Variants in MET observed in about 807,000 individuals in gnomAD.
MET encodes the protein hepatocyte growth factor receptor.
A neutral mutation model predicts 133.1 loss-of-function variants in MET; 48 were observed. The observed-to-expected ratio is 0.36, with a 90% CI of 0.29 to 0.46. MET has a LOEUF of 0.46. Among genes scored for constraint, MET ranks in the 20% least tolerant of loss-of-function variants. The pLI is 1.00. For missense variants in MET, 1,442 were observed against 1,695.9 expected (o/e 0.85, Z 2.63); for synonymous variants, 628 against 616.5 (o/e 1.02, Z -0.28).
At position 116,775,011 on chromosome 7, in the gene MET, T is replaced by C. The variant is rs2117031096; in HGVS notation, c.3159T>C (p.Ile1053=). 1 of 1,614,238 alleles carries C rather than the reference T, an allele frequency of 6.2e-7. No homozygotes were observed. The highest frequency in any genetic ancestry group is 8.5e-7 in the Non-Finnish European group (1 of 1,180,030). The change falls in exon 15 of 21, where the codon ATT becomes ATC. Residue 1053 remains isoleucine, a synonymous_variant. Coordinates refer to ENST00000397752, the MANE Select transcript of MET (RefSeq NM_000245.4). ...CATTACTGCAAAATACTGTCCACATTGACCTCAGTGCTCTAAATCCAGAGC... is the reference window on the plus strand; with the variant it reads ...CATTACTGCAAAATACTGTCCACATCGACCTCAGTGCTCTAAATCCAGAGC... ...SSPLLQNTVH[I]DLSALNPELV...
At chr7:116,674,951 T>C (rs903657975) in intron 1 of MET, among the ~76,000 whole-genome samples, 3 of 152,232 alleles carry the variant, frequency 2.0e-5, no homozygotes, top group Non-Finnish European at 4.4e-5. Flanking sequence ...TGTGCCCTCT[T>C]AAGGGGAGAA....
At position 116,771,999 on chromosome 7, in the gene MET, A is replaced by G. The variant is rs763648816; in HGVS notation, c.3028+10A>G. On this transcript the variant is annotated intron_variant, in intron 14 of 20. Coordinates refer to ENST00000397752, the MANE Select transcript of MET (RefSeq NM_000245.4). The stretch of plus-strand genomic sequence containing the variant: ...GCTACTTTTCCAGAAGGTATATTTC[A>G]GTTTATTGTTCTGAGAAATACCTAT... The G allele has an allele frequency of 7.4e-6, 12 of 1,613,516 alleles. No individual in the cohort carries two copies. Among genetic ancestry groups the G allele is most frequent in the Non-Finnish European group, 1.0e-5 (12 of 1,179,590 alleles).
At chr7:116,716,284 G>GGAGAGAGAGAGAGAGAGAGA (rs564115135) in intron 2 of MET, among the ~76,000 whole-genome samples, 4 of 38,022 alleles carry the variant, frequency 1.1e-4, no homozygotes, top group Admixed American at 4.4e-4. Flanking sequence ...AGGGAGAGAG[G>GGAGAGAGAGAGAGAGAGAGA]GAGAGAGAGA....
Position 116,795,547 on chromosome 7 carries a change from C to T in MET, c.3799-108C>T, listed in dbSNP as rs114392631. The T allele has an allele frequency of 1.4e-3, 2,057 of 1,447,100 alleles. 19 individuals carry two copies. In the South Asian group the frequency reaches 0.015, roughly 10 times the overall value. 89.6% of individuals were successfully genotyped at this position (1,447,100 alleles called of 1,614,324 possible). ...GAAAATTGTTGCCCAAAACAGAAAC[C>T]GTATTGAGTATGTAAAGCCAAGTTT... On this transcript the variant is annotated intron_variant, in intron 19 of 20. Coordinates refer to ENST00000397752, the MANE Select transcript of MET (RefSeq NM_000245.4).
intron 1 of MET, among the ~76,000 whole-genome samples, chr7:116,683,271 T>C (rs1796428447): frequency 6.6e-6 from 1 of 152,212 alleles, no homozygotes. Flanking sequence ...TCATAGGTTC[T>C]CATCGTTTAG....
At chr7:116,774,127 A>G (rs1327107416) in intron 14 of MET, among the ~76,000 whole-genome samples, 1 of 152,314 alleles carries the variant, frequency 6.6e-6, no homozygotes, top group Middle Eastern at 3.4e-3. Context: ...ATTGACTATC[A>G]GCACCATTTC....
Position 116,771,406 on chromosome 7 carries a change from A to T in MET, c.2731-92A>T, listed in dbSNP as rs1162656180. On this transcript the variant is annotated intron_variant, in intron 12 of 20. Transcript: ENST00000397752. Reference sequence around the variant, plus strand: ...TGCCATTTGTAGAATGGTAATAACCAGTTGGTATTTGGGACCCAAAGTGCT... The same window carrying T: ...TGCCATTTGTAGAATGGTAATAACCTGTTGGTATTTGGGACCCAAAGTGCT... 1.6e-5 allele frequency: 22 copies of T among 1,409,272 alleles called. No homozygotes were observed. The East Asian group carries it at 4.1e-4, about 26-fold the overall frequency. The allele number at this position is 1,409,272 out of a possible 1,614,324, so 87.3% of individuals were successfully genotyped here. A position where few individuals can be genotyped will look rare whatever the true frequency, so the allele number is the denominator to read the frequency against.
intron 1 of MET, among the ~76,000 whole-genome samples, chr7:116,683,780 C>T (rs1796446533): frequency 6.6e-6 from 1 of 152,192 alleles, no homozygotes; most frequent in South Asian, 2.1e-4. Context: ...CATTTTATTT[C>T]TCCCTTCTCG....
intron 10 of MET, among the ~76,000 whole-genome samples, chr7:116,762,039 T>A (rs77680491): frequency 0.034 from 5,199 of 152,184 alleles, 286 homozygotes; most frequent in African/African-American, 0.12. Flanking sequence ...TAACCTTAGA[T>A]GTACCACTAT....
intron 1 of MET, among the ~76,000 whole-genome samples, chr7:116,694,731 G>A (rs1301872536): frequency 6.6e-6 from 1 of 151,918 alleles, no homozygotes. Context: ...TCTGTCATCA[G>A]GCTGGAGTGC....
At chr7:116,695,597 C>T (rs940156517) in intron 1 of MET, among the ~76,000 whole-genome samples, 4 of 152,184 alleles carry the variant, frequency 2.6e-5, no homozygotes, top group African/African-American at 7.2e-5. Context: ...GCTCCCACCT[C>T]GCTTTGGAAG....
chr7:116,770,034 C>A (rs751375580), intron 12 of MET: 55 of 552,598 alleles, frequency 1.0e-4, no homozygotes, highest in Admixed American at 1.8e-4. Context: ...TCACGCCACA[C>A]TCTTCCCAAA....
intron 19 of MET, among the ~76,000 whole-genome samples, chr7:116,786,220 G>A (rs1479866206): frequency 1.3e-5 from 2 of 152,104 alleles, no homozygotes; most frequent in African/African-American, 2.4e-5. Flanking sequence ...TTCTTAGAAG[G>A]GCACTAATCC....
chr7:116,739,880 T>A, intron 3 of MET, 70 bp from the exon 4 acceptor site: 1 of 1,605,920 alleles, frequency 6.2e-7, no homozygotes, highest in Non-Finnish European at 8.5e-7. Flanking sequence ...ACCATTATCA[T>A]CTACATTTTC....
intron 1 of MET, among the ~76,000 whole-genome samples, chr7:116,693,636 C>T (rs1347254562): frequency 5.9e-5 from 9 of 152,178 alleles, no homozygotes; most frequent in Non-Finnish European, 1.2e-4. Flanking sequence ...GACTTTCTGT[C>T]CTAGTTAAGT....
intron 1 of MET, among the ~76,000 whole-genome samples, chr7:116,696,448 C>T (rs1042056480): frequency 2.6e-5 from 4 of 152,136 alleles, no homozygotes; most frequent in Non-Finnish European, 4.4e-5. Flanking sequence ...TTCTTCATCA[C>T]CCATTCCCTC....
At chr7:116,733,644 T>C (rs1048636319) in intron 3 of MET, among the ~76,000 whole-genome samples, 5 of 152,220 alleles carry the variant, frequency 3.3e-5, no homozygotes, top group African/African-American at 1.2e-4. Context: ...AGAAACTATA[T>C]TTTGCCTATT....
chr7:116,753,963 C>G (rs1034767860), intron 5 of MET, among the ~76,000 whole-genome samples: 9 of 152,190 alleles, frequency 5.9e-5, no homozygotes, highest in African/African-American at 2.2e-4. Context: ...TAACAAGACC[C>G]CGTCTCTACA....
rs2117120641 is a variant in MET, at chr7:116,798,009, A to G, written c.*1885A>G. 1 of 220,740 alleles carries G rather than the reference A, an allele frequency of 4.5e-6. No individual in the cohort carries two copies. The highest frequency in any genetic ancestry group is 6.6e-5 in the East Asian group (1 of 15,146). 13.7% of individuals were successfully genotyped at this position (220,740 alleles called of 1,614,324 possible). Reference sequence around the variant, plus strand: ...CAAATATTGCCGTTTCATAAATGTAATAAGTAATACTAATTCACAGAGTAT... The same window carrying G: ...CAAATATTGCCGTTTCATAAATGTAGTAAGTAATACTAATTCACAGAGTAT... On this transcript the variant is annotated 3_prime_UTR_variant, in exon 21 of 21. Transcript: ENST00000397752.
Sources: gnomAD v4.1 joint callset for allele counts (sites outside exome capture counted in the v4.1 genomes callset) on GRCh38, gnomAD v4.1.1 for gene constraint, MANE v1.5 for transcripts, NCBI Gene and HGNC (gene_info 2026-07-23, HGNC 2026-07-21) for gene names.